The following ACTR3C variants were observed in gnomAD, a reference collection of about 807,000 sequenced individuals.
ACTR3C encodes the protein actin-related protein 3C.
ACTR3C carries 18 observed loss-of-function variants against 26.3 expected under a neutral mutation model. The observed-to-expected ratio is 0.68, with a 90% CI of 0.47 to 1.01. The LOEUF is 1.01. Among genes scored for constraint, ACTR3C ranks in the 50% least tolerant of loss-of-function variants. ACTR3C has a pLI of 0.00. For missense variants in ACTR3C, 184 were observed against 250.7 expected, an observed-to-expected ratio of 0.73 and a Z score of 1.80; for synonymous variants, 55 against 94.5, an observed-to-expected ratio of 0.58 and a Z score of 2.42.
the ACTR3C span, among the ~76,000 whole-genome samples, chr7:149,905,903 G>A: frequency 6.6e-6 from 1 of 152,032 alleles, no homozygotes. Context: ...GCCTAAGGAT[G>A]AAGGGGTGTA....
rs552528907 is a variant in ACTR3C at position 150,299,685 on chromosome 7, C to G, written c.-51-4338G>C. 4.6e-5 allele frequency among the ~76,000 whole-genome samples: 7 copies of G among 152,074 alleles called. No homozygotes were observed. In the South Asian group the frequency reaches 1.5e-3, roughly 32 times the overall value. On this transcript the variant is annotated intron_variant, in intron 1 of 7. Coordinates refer to ENST00000683684, the MANE Select transcript of ACTR3C (RefSeq NM_001164458.2). ...CCTGTAATCCCAGCCAGTCGGGTGG[C>G]TGAGGCAGCAGAATTGCTTAAACCC...
At chr7:149,920,851 C>T in the ACTR3C span, among the ~76,000 whole-genome samples, 97,715 of 151,660 alleles carry the variant, frequency 0.64, 34,409 homozygotes, top group Non-Finnish European at 0.78. Context: ...ACCTCAACCT[C>T]TGCCTCCCAG....
chr7:150,235,227 G>A, the ACTR3C span, among the ~76,000 whole-genome samples: 4 of 152,180 alleles, frequency 2.6e-5, no homozygotes, highest in Non-Finnish European at 4.4e-5. Context: ...AGATATGATT[G>A]TATTCATTAG....
chr7:150,039,093 A>G, the ACTR3C span, among the ~76,000 whole-genome samples: 30 of 148,004 alleles, frequency 2.0e-4, no homozygotes, highest in East Asian at 1.3e-3. Context: ...ACTAACACCC[A>G]CAGTCCTCCA....
At chr7:149,962,684 C>G in the ACTR3C span, among the ~76,000 whole-genome samples, 1 of 152,104 alleles carries the variant, frequency 6.6e-6, no homozygotes, top group African/African-American at 2.4e-5. Flanking sequence ...CCGGAGACTT[C>G]CAGCACTAAA....
At chr7:149,953,724 C>T in the ACTR3C span, among the ~76,000 whole-genome samples, 4 of 151,816 alleles carry the variant, frequency 2.6e-5, no homozygotes, top group South Asian at 6.3e-4. Context: ...ACTCATAATA[C>T]AACCTCTACA....
chr7:149,922,021 C>G, the ACTR3C span, among the ~76,000 whole-genome samples: 7 of 148,100 alleles, frequency 4.7e-5, no homozygotes, highest in South Asian at 1.5e-3. Context: ...GCTTCACACT[C>G]AGCTTTGAAT....
the ACTR3C span, among the ~76,000 whole-genome samples, chr7:150,006,210 A>ATTTATTTATTTATTTATTTATTTATTTC: frequency 6.6e-6 from 1 of 151,292 alleles, no homozygotes; most frequent in African/African-American, 2.4e-5. Context: ...TTATTTATTT[A>ATTTATTTATTTATTTATTTATTTATTTC]TTTTGAGAAG....
At chr7:150,160,123 T>A in the ACTR3C span, among the ~76,000 whole-genome samples, 1 of 152,132 alleles carries the variant, frequency 6.6e-6, no homozygotes, top group Non-Finnish European at 1.5e-5. Context: ...TGCATTCTAA[T>A]CTCTAACAGA....
chr7:149,881,697 AG>A, the ACTR3C span: 1 of 152,354 alleles, frequency 6.6e-6, no homozygotes, highest in Non-Finnish European at 1.5e-5. Flanking sequence ...GTTCAGAGTG[AG>A]AAAAACCCAG....
At chr7:149,987,861 G>T in the ACTR3C span, among the ~76,000 whole-genome samples, 3 of 152,074 alleles carry the variant, frequency 2.0e-5, no homozygotes, top group African/African-American at 7.2e-5. Flanking sequence ...CATGACATAA[G>T]CTTATCTATA....
intron 6 of ACTR3C, among the ~76,000 whole-genome samples, chr7:150,265,617 C>A (rs1473866704): frequency 6.6e-6 from 1 of 152,128 alleles, no homozygotes; most frequent in Non-Finnish European, 1.5e-5. Context: ...TCGCTTGAAC[C>A]CGGGAGGCGG....
chr7:150,062,394 C>T, the ACTR3C span: 9 of 103,834 alleles, frequency 8.7e-5, no homozygotes, highest in Non-Finnish European at 1.7e-4. Flanking sequence ...TGCTGGATAC[C>T]TCCCTGTATC....
intron 6 of ACTR3C, among the ~76,000 whole-genome samples, chr7:150,250,198 CTGACTTTTT>C: frequency 7.2e-6 from 1 of 139,542 alleles, no homozygotes; most frequent in African/African-American, 3.0e-5. Flanking sequence ...ATGACAGAAT[CTGACTTTTT>C]TTTTTTTTTT....
At chr7:150,022,892 C>T in the ACTR3C span, among the ~76,000 whole-genome samples, 1 of 151,490 alleles carries the variant, frequency 6.6e-6, no homozygotes, top group Non-Finnish European at 1.5e-5. Flanking sequence ...TCTAGTTAGA[C>T]AGAAATGTTC....
the ACTR3C span, among the ~76,000 whole-genome samples, chr7:150,035,679 G>A: frequency 1.5e-5 from 2 of 134,838 alleles, no homozygotes; most frequent in South Asian, 2.4e-4. Context: ...GGGTCCTAAG[G>A]ATCTTAGGAT....
At chr7:150,024,683 C>A in the ACTR3C span, among the ~76,000 whole-genome samples, 1 of 138,230 alleles carries the variant, frequency 7.2e-6, no homozygotes, top group Non-Finnish European at 1.6e-5. Context: ...AAAAACACCA[C>A]ACTTGCGTGC....
chr7:150,169,486 G>A, the ACTR3C span, among the ~76,000 whole-genome samples: 2 of 149,970 alleles, frequency 1.3e-5, no homozygotes, highest in Non-Finnish European at 2.9e-5. Context: ...TATAAGCCAG[G>A]AAGAAAGAAT....
chr7:150,106,020 T>C, the ACTR3C span, among the ~76,000 whole-genome samples: 1 of 152,108 alleles, frequency 6.6e-6, no homozygotes, highest in African/African-American at 2.4e-5. Flanking sequence ...AAGCTTTTAA[T>C]AGAAAGAAAC....
Sources: gnomAD v4.1 joint callset for allele counts (sites outside exome capture counted in the v4.1 genomes callset) on GRCh38, gnomAD v4.1.1 for gene constraint, MANE v1.5 for transcripts, NCBI Gene and HGNC (gene_info 2026-07-23, HGNC 2026-07-21) for gene names.